The following CCDC158 variants were observed in gnomAD, a reference collection of about 807,000 sequenced individuals.
CCDC158 encodes the protein coiled-coil domain-containing protein 158.
Under a neutral mutation model 138.6 loss-of-function variants are expected in CCDC158, and 116 were observed. The ratio of observed to expected loss-of-function variants is 0.84; its 90% CI spans 0.72 to 0.98. The LOEUF (loss-of-function observed/expected upper bound fraction) is 0.98, where lower values mean the gene tolerates loss of function less well. Ranked by LOEUF, CCDC158 falls within the 50% of genes least tolerant of loss-of-function variation. The pLI, the probability that CCDC158 is intolerant of heterozygous loss-of-function variation, is 0.00. For missense variants in CCDC158, 1,265 were observed against 1,306.1 expected (o/e 0.97, Z 0.48); for synonymous variants, 436 against 442.4 (o/e 0.99, Z 0.18).
chr4:76,375,112 G>A (rs1270438455), intron 9 of CCDC158: 1 of 154,798 alleles, frequency 6.5e-6, no homozygotes, highest in Non-Finnish European at 1.4e-5. Context: ...ATAAACAGCT[G>A]TAAAAAACAC....
intron 10 of CCDC158, among the ~76,000 whole-genome samples, chr4:76,370,087 C>T (rs1010533165): frequency 6.6e-6 from 1 of 152,124 alleles, no homozygotes; most frequent in African/African-American, 2.4e-5. Context: ...ATAGAATTAC[C>T]TCCCTTTTCA....
At chr4:76,345,709 A>C in intron 18 of CCDC158, 1 of 593,952 alleles carries the variant, frequency 1.7e-6, no homozygotes, top group Non-Finnish European at 3.0e-6. Flanking sequence ...TATGTGAATA[A>C]ATATTTTGAT....
At chr4:76,354,775 C>A (rs1274361856) in intron 15 of CCDC158, among the ~76,000 whole-genome samples, 3 of 152,188 alleles carry the variant, frequency 2.0e-5, no homozygotes, top group Non-Finnish European at 4.4e-5. Context: ...ACAGGAAACT[C>A]TCCTCCTACT....
chr4:76,418,572 G>C (rs1326059021), intron 1 of CCDC158, among the ~76,000 whole-genome samples: 4 of 152,162 alleles, frequency 2.6e-5, no homozygotes, highest in Non-Finnish European at 4.4e-5. Context: ...TGGCTGGGGA[G>C]GCCTCACGAT....
At chr4:76,389,100 C>T (rs1727082355) in intron 4 of CCDC158, among the ~76,000 whole-genome samples, 1 of 151,942 alleles carries the variant, frequency 6.6e-6, no homozygotes, top group South Asian at 2.1e-4. Context: ...CATGACCTCA[C>T]TAAATGAACT....
chr4:76,362,120 A>G lies in CCDC158; in HGVS notation c.2020+6T>C, dbSNP rs1376734006. 4 of 1,611,534 alleles carry G rather than the reference A, an allele frequency of 2.5e-6. No homozygotes were observed. The highest frequency in any genetic ancestry group is 3.4e-6 in the Non-Finnish European group (4 of 1,178,532). On this transcript the variant is annotated splice_donor_region_variant and intron_variant, in intron 13 of 24. Transcript: ENST00000682701. Reference sequence around the variant, plus strand: ...TTTTAGTAGGATTTGTGCTGAAGCAACATACCTGAAAGATTGTTTAATTCA... The same window carrying G: ...TTTTAGTAGGATTTGTGCTGAAGCAGCATACCTGAAAGATTGTTTAATTCA...
intron 8 of CCDC158, 62 bp from the exon 9 acceptor site, chr4:76,379,466 G>C: frequency 2.2e-6 from 2 of 915,084 alleles, no homozygotes; most frequent in South Asian, 2.0e-5. Flanking sequence ...AGTAACACCT[G>C]AGTATTCTAG....
Position 76,369,713 on chromosome 4 carries a change from T to A in CCDC158, c.1150-90A>T, listed in dbSNP as rs1009534415. 60 of 1,162,074 alleles carry A rather than the reference T, an allele frequency of 5.2e-5. No homozygotes were observed. The Middle Eastern group carries it at 1.5e-3, about 29-fold the overall frequency. The allele number at this position is 1,162,074 out of a possible 1,614,324, so 72.0% of individuals were successfully genotyped here. A position where few individuals can be genotyped will look rare whatever the true frequency, so the allele number is the denominator to read the frequency against. ...CTTTATATCATATTTGGAGTTTTTA[T>A]GTGATTTCAGACACCTTTGATTTTG... On this transcript the variant is annotated intron_variant, in intron 10 of 24. Coordinates refer to ENST00000682701, the MANE Select transcript of CCDC158 (RefSeq NM_001394954.1).
At position 76,367,341 on chromosome 4, in the gene CCDC158, G is replaced by C; in HGVS notation, c.1783C>G (p.Leu595Val). 2 of 1,613,826 alleles carry C rather than the reference G, an allele frequency of 1.2e-6. No homozygotes were observed. Among genetic ancestry groups the C allele is most frequent in the Non-Finnish European group, 1.7e-6 (2 of 1,179,778 alleles). Residue 595 changes from leucine (L) to valine (V), a missense_variant, in exon 12 of 25, where the codon CTG (leucine) becomes GTG (valine). Transcript: ENST00000682701. ...CGCCTATCATTAATTTCTTTCTCCA[G>C]TTGAGCTTTTTCTACTTGCATAGCT... Reference protein sequence around the residue: ...AGAMQVEKAQLEKEINDRRME... With the variant: ...AGAMQVEKAQVEKEINDRRME...
At chr4:76,338,725 A>G (rs1472945367) in intron 18 of CCDC158, among the ~76,000 whole-genome samples, 1 of 152,134 alleles carries the variant, frequency 6.6e-6, no homozygotes, top group Non-Finnish European at 1.5e-5. Context: ...TCAGAACTAG[A>G]CACTGATTTT....
intron 3 of CCDC158, chr4:76,401,262 TC>T (rs1248455101): frequency 4.4e-6 from 2 of 456,034 alleles, no homozygotes; most frequent in Non-Finnish European, 8.6e-6. Context: ...TGGTGAATGT[TC>T]CCAAACACCC....
chr4:76,375,022 G>C (rs1725583347), intron 9 of CCDC158, among the ~76,000 whole-genome samples: 1 of 152,044 alleles, frequency 6.6e-6, no homozygotes, highest in African/African-American at 2.4e-5. Flanking sequence ...ACTTTTTAGA[G>C]TAAAAACATT....
chr4:76,387,218 C>G (rs914004484), intron 4 of CCDC158, among the ~76,000 whole-genome samples: 1 of 152,116 alleles, frequency 6.6e-6, no homozygotes, highest in African/African-American at 2.4e-5. Context: ...CTTTGTCTTG[C>G]ATGTTAGGTA....
At position 76,408,717 on chromosome 4, in the gene CCDC158, G is replaced by C. The variant is rs559232608; in HGVS notation, c.-74+3373C>G. Among the ~76,000 whole-genome samples, 9 of 152,264 alleles carry C rather than the reference G, an allele frequency of 5.9e-5. No homozygotes were observed. In the South Asian group the frequency reaches 1.9e-3, roughly 32 times the overall value. ...ATATATACCCAGTAATGGGATGGCT[G>C]GGTCAAATGGTATTTCTAGATCTAG... is the stretch of plus-strand genomic sequence containing the variant. On this transcript the variant is annotated intron_variant, in intron 2 of 24. Transcript: ENST00000682701.
At chr4:76,344,104 C>A (rs1045669253) in intron 18 of CCDC158, among the ~76,000 whole-genome samples, 1 of 151,982 alleles carries the variant, frequency 6.6e-6, no homozygotes, top group African/African-American at 2.4e-5. Context: ...TTTAGAAAAC[C>A]CTATCGCCTC....
At chr4:76,387,657 T>C (rs1388540064) in intron 4 of CCDC158, among the ~76,000 whole-genome samples, 1 of 151,942 alleles carries the variant, frequency 6.6e-6, no homozygotes, top group Non-Finnish European at 1.5e-5. Flanking sequence ...ACCCCATCTC[T>C]ACTAAAAATA....
In CCDC158 at chr4:76,369,487, T is replaced by C. The variant is rs1021189479; in HGVS notation, c.1286A>G (p.Gln429Arg). 3 of 1,614,170 alleles carry C rather than the reference T, an allele frequency of 1.9e-6. No homozygotes were observed. Among genetic ancestry groups the C allele is most frequent in the Non-Finnish European group, 2.5e-6 (3 of 1,180,012 alleles). Reference sequence around the variant, plus strand: ...GGCCTTGAGCAGGGCTTCCAGGCGCTGCACCTCCATGTTCCGGTTGTCCAG... The same window carrying C: ...GGCCTTGAGCAGGGCTTCCAGGCGCCGCACCTCCATGTTCCGGTTGTCCAG... ...RELDNRNMEV[Q>R]RLEALLKALK... Residue 429 changes from glutamine to arginine, a missense_variant, in exon 11 of 25, where the codon CAG becomes CGG. Gln to Arg is a conservative substitution (Grantham distance 43). Transcript: ENST00000682701.
At chr4:76,369,287 C>T in intron 11 of CCDC158, 139 bp downstream of exon 11, 3 of 570,462 alleles carry the variant, frequency 5.3e-6, no homozygotes, top group Non-Finnish European at 8.3e-6. Context: ...TCATAAATTG[C>T]TCACAGAATC....
intron 12 of CCDC158, among the ~76,000 whole-genome samples, chr4:76,363,267 C>T (rs1050380277): frequency 8.5e-5 from 13 of 152,158 alleles, no homozygotes; most frequent in African/African-American, 3.1e-4. Flanking sequence ...GATGTTGTCA[C>T]GGTGTCTTGC....
Sources: gnomAD v4.1 joint callset for allele counts (sites outside exome capture counted in the v4.1 genomes callset) on GRCh38, gnomAD v4.1.1 for gene constraint, MANE v1.5 for transcripts, NCBI Gene and HGNC (gene_info 2026-07-23, HGNC 2026-07-21) for gene names.